Variants in SPP2 observed in about 807,000 individuals in gnomAD.
SPP2 encodes the protein secreted phosphoprotein 24.
Under a neutral mutation model 28.8 loss-of-function variants are expected in SPP2, and 34 were observed. The observed-to-expected ratio is 1.18, with a 90% CI of 0.90 to 1.57. The LOEUF is 1.57. Among genes scored for constraint, SPP2 ranks in the 40% most tolerant of loss-of-function variants. The pLI is 0.00. For synonymous variants in SPP2, 96 were observed against 89.4 expected (o/e 1.07, Z -0.42); for missense variants, 269 against 263.9 (o/e 1.02, Z -0.13).
At chr2:234,056,151 T>G (rs1009974158) in intron 2 of SPP2, 8 of 151,980 alleles carry the variant, frequency 5.3e-5, no homozygotes, top group South Asian at 4.2e-4. Context: ...TGGGAGAAAA[T>G]TTTTGCAATC....
rs1018509192 is a variant in SPP2 at position 234,050,762 on chromosome 2, C to T, written c.-25C>T. ...TGTCATCCCCAAACACATAGAGAGA[C>T]ACTCTCTGTCTCTCGATTACAATCA... On this transcript the variant is annotated 5_prime_UTR_variant, in exon 1 of 8. Coordinates refer to ENST00000168148, the MANE Select transcript of SPP2 (RefSeq NM_006944.3). 1.2e-6 allele frequency: 2 copies of T among 1,603,880 alleles called. No individual in the cohort carries two copies. The highest frequency in any genetic ancestry group is 1.3e-5 in the African/African-American group (1 of 74,698).
chr2:234,075,908 C>A (rs1312538431), intron 7 of SPP2, among the ~76,000 whole-genome samples: 1 of 152,202 alleles, frequency 6.6e-6, no homozygotes, highest in East Asian at 1.9e-4. Flanking sequence ...GCATCTCAGA[C>A]CTCCTCCCCA....
intron 4 of SPP2, 46 bp downstream of exon 4, chr2:234,060,525 C>T: frequency 1.3e-6 from 2 of 1,499,102 alleles, no homozygotes; most frequent in Non-Finnish European, 1.8e-6. Context: ...CTCTTAGGGT[C>T]TGTGTGGGTT....
At chr2:234,052,544 G>A (rs543200686) in intron 2 of SPP2, among the ~76,000 whole-genome samples, 28 of 152,322 alleles carry the variant, frequency 1.8e-4, no homozygotes, top group Middle Eastern at 3.4e-3. Context: ...CCACCAGAGC[G>A]TGTTCTGGCT....
intron 4 of SPP2, among the ~76,000 whole-genome samples, chr2:234,063,419 G>C (rs1041777666): frequency 3.3e-5 from 5 of 152,138 alleles, no homozygotes; most frequent in African/African-American, 1.2e-4. Context: ...TAAGGACTTA[G>C]AGTAAGTCTG....
At chr2:234,061,306 T>C (rs988419305) in intron 4 of SPP2, among the ~76,000 whole-genome samples, 3 of 152,226 alleles carry the variant, frequency 2.0e-5, no homozygotes, top group African/African-American at 7.2e-5. Flanking sequence ...CAATGTGTGA[T>C]GCATCACAAT....
chr2:234,059,020 C>T, intron 3 of SPP2, 62 bp downstream of exon 3: 1 of 1,565,416 alleles, frequency 6.4e-7, no homozygotes, highest in Non-Finnish European at 8.6e-7. Context: ...TCTTCCATGA[C>T]CTGGAGTCAC....
Position 234,050,846 on chromosome 2 carries a change from TGGAATGAAC to T in SPP2, c.61_69del (p.Gly21_Asn23del), listed in dbSNP as rs1317418099. The T allele has an allele frequency of 7.4e-6, 12 of 1,613,998 alleles. No homozygotes were observed. In the Middle Eastern group the frequency reaches 4.9e-4, roughly 66 times the overall value. ...TGAAGATATTGATTATGTTTGCTCTTGGAATGAACTACTGGTCTTGCTCAGGTAAGGTAT... is the reference window on the plus strand; with the variant it reads ...TGAAGATATTGATTATGTTTGCTCTTTACTGGTCTTGCTCAGGTAAGGTAT... On this transcript the variant is annotated inframe_deletion, in exon 1 of 8. Transcript: ENST00000168148.
chr2:234,059,421 A>C (rs1693672608), intron 3 of SPP2, among the ~76,000 whole-genome samples: 1 of 152,154 alleles, frequency 6.6e-6, no homozygotes. Flanking sequence ...CGTGTCTCTC[A>C]TGACCAGAAC....
At chr2:234,060,322 T>G (rs766026938) in intron 3 of SPP2, 47 bp from the exon 4 acceptor site, 11 of 1,379,672 alleles carry the variant, frequency 8.0e-6, no homozygotes, top group Non-Finnish European at 1.0e-5. Flanking sequence ...AGGCTATCCC[T>G]TTCCACAAAC....
intron 6 of SPP2, among the ~76,000 whole-genome samples, chr2:234,068,570 T>C (rs1345394247): frequency 6.6e-6 from 1 of 151,912 alleles, no homozygotes; most frequent in Non-Finnish European, 1.5e-5. Context: ...GATGCTTGAT[T>C]TTTTTTTAAT....
Position 234,058,929 on chromosome 2 carries a change from A to G in SPP2, c.304A>G (p.Thr102Ala), listed in dbSNP as rs930417399. ...CRKDSGEDPA[T>A]CAFQRDYYVS... ...GAAGGATTCTGGAGAAGATCCCGCT[A>G]CATGTGCCTTCCAGAGGGACTACTA... The change falls in exon 3 of 8, where the codon ACA becomes GCA. Residue 102 changes from threonine (T) to alanine (A), a missense_variant. Transcript: ENST00000168148. The G allele has an allele frequency of 1.2e-6, 2 of 1,614,062 alleles. No homozygotes were observed. Among genetic ancestry groups the G allele is most frequent in the Non-Finnish European group, 1.7e-6 (2 of 1,179,970 alleles).
chr2:234,059,036 G>A (rs1446696670), intron 3 of SPP2, 78 bp downstream of exon 3: 4 of 1,528,872 alleles, frequency 2.6e-6, no homozygotes, highest in Non-Finnish European at 3.5e-6. Context: ...GTCACACAAA[G>A]AACTTGGTCG....
At chr2:234,055,039 T>C (rs149671442) in intron 2 of SPP2, among the ~76,000 whole-genome samples, 112 of 152,312 alleles carry the variant, frequency 7.4e-4, no homozygotes, top group Non-Finnish European at 1.2e-3. Flanking sequence ...GGGATTCATT[T>C]GAAAAACCTA....
intron 7 of SPP2, among the ~76,000 whole-genome samples, chr2:234,072,903 T>C (rs961022495): frequency 4.3e-4 from 66 of 152,200 alleles, no homozygotes; most frequent in African/African-American, 1.5e-3. Context: ...TCCTTTTTAT[T>C]TTGAGACAGA....
chr2:234,054,269 G>T (rs1437978213), intron 2 of SPP2, among the ~76,000 whole-genome samples: 1 of 152,230 alleles, frequency 6.6e-6, no homozygotes, highest in African/African-American at 2.4e-5. Context: ...AGAGCGGTCA[G>T]AGAGGTGGGC....
At chr2:234,075,857 C>T (rs116137252) in intron 7 of SPP2, among the ~76,000 whole-genome samples, 4 of 152,312 alleles carry the variant, frequency 2.6e-5, no homozygotes, top group Admixed American at 1.3e-4. Context: ...TTCCCCCTGT[C>T]TCCAACTCAT....
intron 2 of SPP2, among the ~76,000 whole-genome samples, chr2:234,055,864 T>C (rs955531151): frequency 6.6e-6 from 1 of 151,936 alleles, no homozygotes; most frequent in African/African-American, 2.4e-5. Context: ...TCTTTTTTTT[T>C]TTTGGAAATG....
At chr2:234,065,426 C>T (rs1380107076) in intron 4 of SPP2, among the ~76,000 whole-genome samples, 2 of 152,074 alleles carry the variant, frequency 1.3e-5, no homozygotes, top group Admixed American at 1.3e-4. Flanking sequence ...ACTACACGTG[C>T]GTGCCACCAT....
Sources: allele counts gnomAD v4.1 joint callset (sites outside exome capture counted in the v4.1 genomes callset), GRCh38; gene constraint gnomAD v4.1.1; transcripts MANE v1.5; gene names NCBI Gene and HGNC (gene_info 2026-07-23, HGNC 2026-07-21).